The following SYT3 variants were observed in gnomAD, a reference collection of about 807,000 sequenced individuals.
The protein encoded by SYT3 is synaptotagmin-3.
In SYT3, 25 loss-of-function variants were observed where a neutral mutation model predicts 50.6. The observed-to-expected ratio is 0.49, with a 90% confidence interval of 0.36 to 0.69. The LOEUF (loss-of-function observed/expected upper bound fraction) is 0.69, where lower values mean the gene tolerates loss of function less well. Ranked by LOEUF, SYT3 falls within the 30% of genes least tolerant of loss-of-function variation. SYT3 has a pLI of 0.00. For synonymous variants in SYT3, 323 were observed against 353.9 expected (o/e 0.91, Z 0.98); for missense variants, 589 against 793.6 (o/e 0.74, Z 3.10).
chr19:50,623,546 G>A (rs367789223), intron 9 of SYT3, among the ~76,000 whole-genome samples: 7 of 94,248 alleles, frequency 7.4e-5, no homozygotes, highest in African/African-American at 3.2e-4. Context: ...GGGAGCCCAA[G>A]GTGGGTGGAT....
chr19:50,625,764 TCC>T lies in SYT3; in HGVS notation c.1402+131_1402+132del. On this transcript the variant is annotated intron_variant, in intron 7 of 10. Coordinates refer to ENST00000600079, the MANE Select transcript of SYT3 (RefSeq NM_001160329.2). The surrounding 1 kb of genome is among the most constrained non-coding windows in gnomAD (Gnocchi z 7.5). ...AGGAGTCCAGGCCCCTGGCCCCTCC[TCC>T]CTCAGACCCAGGAGTCCAGATCCCC... is the stretch of plus-strand genomic sequence containing the variant. 6.5e-6 allele frequency: 5 copies of T among 764,124 alleles called. No homozygotes were observed. Among genetic ancestry groups the T allele is most frequent in the South Asian group, 3.4e-5 (2 of 58,438 alleles). The allele number at this position is 764,124 out of a possible 1,614,324, so 47.3% of individuals were successfully genotyped here. A position where few individuals can be genotyped will look rare whatever the true frequency, so the allele number is the denominator to read the frequency against.
rs776020631 is a variant in SYT3, at chr19:50,637,338, C to T, written c.74G>A (p.Arg25Gln). Residue 25 changes from arginine (R) to glutamine (Q), a missense_variant, in exon 3 of 11, where the codon CGA (arginine) becomes CAA (glutamine). Coordinates refer to ENST00000600079, the MANE Select transcript of SYT3 (RefSeq NM_001160329.2). This position sits in a 1 kb window ranked among gnomAD's most constrained non-coding sequence, Gnocchi z 4.9. Reference protein sequence around the residue: ...ILVSDLCARVRDADTNDRCQE... With the variant: ...ILVSDLCARVQDADTNDRCQE... ...GCACCTGTCGTTGGTGTCAGCATCT[C>T]GGACCCGCGCACAGAGGTCCGAGAC... The T allele has an allele frequency of 5.6e-6, 9 of 1,612,934 alleles. No individual in the cohort carries two copies. The highest frequency in any genetic ancestry group is 4.0e-5 in the African/African-American group (3 of 74,836).
chr19:50,655,660 A>C, the SYT3 span, among the ~76,000 whole-genome samples: 5 of 151,734 alleles, frequency 3.3e-5, no homozygotes, highest in Non-Finnish European at 5.9e-5. Context: ...AAAAAAAAAA[A>C]CAAAAAACCT....
chr19:50,626,735 T>G (rs1275721939), intron 6 of SYT3, among the ~76,000 whole-genome samples: 8 of 119,598 alleles, frequency 6.7e-5, no homozygotes, highest in African/African-American at 1.3e-4. Context: ...AGACAGGGGG[T>G]ACAGAGACCC....
chr19:50,641,235 A>G (rs1339648917), upstream of SYT3, among the ~76,000 whole-genome samples: 3 of 120,780 alleles, frequency 2.5e-5, no homozygotes, highest in African/African-American at 9.8e-5. Context: ...GCTGGAGTGT[A>G]GTGGCGCGAT....
chr19:50,635,476 T>G (rs968827929), intron 3 of SYT3, among the ~76,000 whole-genome samples: 1 of 152,130 alleles, frequency 6.6e-6, no homozygotes, highest in African/African-American at 2.4e-5. Context: ...AGAGGTGGTG[T>G]AGTTGCGCAG....
chr19:50,656,031 C>G, the SYT3 span: 1 of 1,535,864 alleles, frequency 6.5e-7, no homozygotes, highest in Non-Finnish European at 8.7e-7. Context: ...GCAGCTGACA[C>G]TGGGTTCTCT....
rs751297126 is a variant in SYT3, at chr19:50,630,122, G to C, written c.724C>G (p.Pro242Ala). The C allele has an allele frequency of 1.9e-6, 3 of 1,600,088 alleles. No homozygotes were observed. The African/African-American group carries it at 4.0e-5, about 21-fold the overall frequency. The change falls in exon 5 of 11, where the codon CCG becomes GCG. Residue 242 changes from proline to alanine, a missense_variant. Transcript: ENST00000600079. ...PLTQQTLTSQ[P>A]DPSSEERPPA... Reference sequence around the variant, plus strand: ...GGCCGCTCCTCACTGCTGGGGTCCGGCTGGGAGGTCAGAGTCTGCTGGGTG... The same window carrying C: ...GGCCGCTCCTCACTGCTGGGGTCCGCCTGGGAGGTCAGAGTCTGCTGGGTG...
In SYT3 at chr19:50,632,137, G is replaced by A; in HGVS notation, c.674+149C>T. ...AACCTCCCTCAGATCCAGGAGTCTA[G>A]GGCCCCAGCCTCCTCTTTCCCTAAG... On this transcript the variant is annotated intron_variant, in intron 4 of 10. Transcript: ENST00000600079. This position sits in a 1 kb window ranked among gnomAD's most constrained non-coding sequence, Gnocchi z 4.7. The A allele has an allele frequency of 1.1e-6, 1 of 892,348 alleles. No individual in the cohort carries two copies. The highest frequency in any genetic ancestry group is 2.7e-5 in the East Asian group (1 of 37,450). The allele number at this position is 892,348 out of a possible 1,614,324, so 55.3% of individuals were successfully genotyped here.
intron 3 of SYT3, among the ~76,000 whole-genome samples, chr19:50,636,447 T>A (rs1435747802): frequency 6.6e-6 from 1 of 152,194 alleles, no homozygotes; most frequent in Non-Finnish European, 1.5e-5. Flanking sequence ...TCTCTCGGCC[T>A]TATCCCTCAT....
rs1984539592 is a variant in SYT3, at chr19:50,637,601, G to T, written c.-15-175C>A. On this transcript the variant is annotated intron_variant, in intron 2 of 10. Transcript: ENST00000600079. This position sits in a 1 kb window ranked among gnomAD's most constrained non-coding sequence, Gnocchi z 4.9. ...TGGAGATTCGAGGAAGAAGGACAAG[G>T]TGACAGGTATTAGGGATGGACAAGG... is the stretch of plus-strand genomic sequence containing the variant. 3 of 578,392 alleles carry T rather than the reference G, an allele frequency of 5.2e-6. No individual in the cohort carries two copies. In the African/African-American group the frequency reaches 5.6e-5, roughly 11 times the overall value. The allele number at this position is 578,392 out of a possible 1,614,324, so 35.8% of individuals were successfully genotyped here. A position where few individuals can be genotyped will look rare whatever the true frequency, so the allele number is the denominator to read the frequency against.
At chr19:50,657,027 G>A in the SYT3 span, among the ~76,000 whole-genome samples, 4 of 151,720 alleles carry the variant, frequency 2.6e-5, no homozygotes, top group East Asian at 1.9e-4. Flanking sequence ...AAGGAAGGAA[G>A]GGAGGGAGGG....
At position 50,639,659 on chromosome 19, in the gene SYT3, GC is replaced by G. The variant is rs1205175273; in HGVS notation, c.-154+130del. The G allele has an allele frequency of 1.3e-5, 2 of 151,290 alleles. No homozygotes were observed. The highest frequency in any genetic ancestry group is 1.3e-4 in the Admixed American group (2 of 15,190). 9.4% of individuals were successfully genotyped at this position (151,290 alleles called of 1,614,324 possible). On this transcript the variant is annotated intron_variant, in intron 1 of 10. Transcript: ENST00000600079. This position sits in a 1 kb window ranked among gnomAD's most constrained non-coding sequence, Gnocchi z 4.6. ...TCCCCCGGGGTGGCCAGAGAGCGCT[GC>G]AGCGCTCCCACTCCCCGGCCCGAGA...
At chr19:50,649,295 T>A in the SYT3 span, 1 of 740,172 alleles carries the variant, frequency 1.4e-6, no homozygotes, top group Non-Finnish European at 2.3e-6. Context: ...CTCCACATGG[T>A]CTCAGCCTTC....
At chr19:50,643,370 A>C (rs1443849775), upstream of SYT3, among the ~76,000 whole-genome samples, 1 of 151,466 alleles carries the variant, frequency 6.6e-6, no homozygotes, top group Non-Finnish European at 1.5e-5. Flanking sequence ...ATCCCCCCGG[A>C]TGGATGTGCG....
Position 50,637,232 on chromosome 19 carries a change from G to C in SYT3, c.148+32C>G. On this transcript the variant is annotated intron_variant, in intron 3 of 10. Transcript: ENST00000600079. This position sits in a 1 kb window ranked among gnomAD's most constrained non-coding sequence, Gnocchi z 4.9. ...GAGTCTCCTGGCCATAGTGCAAGCA[G>C]GGGGCTGGCCAAGACAGGCAGGGGT... 6.2e-7 allele frequency: 1 copy of C among 1,603,566 alleles called. No homozygotes were observed. The highest frequency in any genetic ancestry group is 8.5e-7 in the Non-Finnish European group (1 of 1,172,796).
At position 50,637,760 on chromosome 19, in the gene SYT3, G is replaced by A. The variant is rs1965408453; in HGVS notation, c.-15-334C>T. Reference sequence around the variant, plus strand: ...CAGAGAACAGGGACAAATGAACAAGGAGGAAGAGATGGAGAAGGGCAGTGA... The same window carrying A: ...CAGAGAACAGGGACAAATGAACAAGAAGGAAGAGATGGAGAAGGGCAGTGA... On this transcript the variant is annotated intron_variant, in intron 2 of 10. Transcript: ENST00000600079. The surrounding 1 kb of genome is among the most constrained non-coding windows in gnomAD (Gnocchi z 4.9). The A allele has an allele frequency of 4.6e-6, 1 of 216,104 alleles. No homozygotes were observed. 13.4% of individuals were successfully genotyped at this position (216,104 alleles called of 1,614,324 possible).
At chr19:50,642,169 C>T (rs988198754), upstream of SYT3, among the ~76,000 whole-genome samples, 2 of 152,204 alleles carry the variant, frequency 1.3e-5, no homozygotes, top group Admixed American at 6.5e-5. Context: ...TGTAAACCTA[C>T]AGACCACGAG....
the SYT3 span, among the ~76,000 whole-genome samples, chr19:50,657,562 T>C: frequency 1.3e-5 from 2 of 152,208 alleles, no homozygotes; most frequent in Non-Finnish European, 2.9e-5. Context: ...CTACTGAACA[T>C]TCTTAAAATG....
Sources: gnomAD v4.1 joint callset for allele counts (sites outside exome capture counted in the v4.1 genomes callset) on GRCh38, gnomAD v4.1.1 for gene constraint, Gnocchi (gnomAD v3.1) non-coding constraint, MANE v1.5 for transcripts, NCBI Gene and HGNC (gene_info 2026-07-23, HGNC 2026-07-21) for gene names.